NT5C2: variants seen among roughly 807,000 people sequenced by gnomAD.
The protein encoded by NT5C2 is cytosolic purine 5'-nucleotidase.
NT5C2 carries 58 observed loss-of-function variants against 76.1 expected under a neutral mutation model. The ratio of observed to expected loss-of-function variants is 0.76; its 90% CI spans 0.62 to 0.95. NT5C2 has a LOEUF of 0.95. NT5C2 is among the 40% of genes least tolerant of loss of function. The pLI, the probability that NT5C2 is intolerant of heterozygous loss-of-function variation, is 0.00. For missense variants in NT5C2, 478 were observed against 690.3 expected, an observed-to-expected ratio of 0.69 and a Z score of 3.45; for synonymous variants, 229 against 237.4, an observed-to-expected ratio of 0.96 and a Z score of 0.32.
chr10:103,121,249 G>A (rs74582715), intron 4 of NT5C2, among the ~76,000 whole-genome samples: 1,664 of 152,184 alleles, frequency 0.011, 29 homozygotes, highest in African/African-American at 0.035. Context: ...CCATTGAATT[G>A]TATACTTGAA....
intron 2 of NT5C2, among the ~76,000 whole-genome samples, chr10:103,179,293 C>T (rs1337220315): frequency 6.6e-6 from 1 of 152,012 alleles, no homozygotes; most frequent in African/African-American, 2.4e-5. Flanking sequence ...TTTATGGACT[C>T]GCCCTAAATT....
intron 3 of NT5C2, among the ~76,000 whole-genome samples, chr10:103,156,686 C>T (rs1353342752): frequency 1.3e-5 from 2 of 150,034 alleles, no homozygotes; most frequent in Non-Finnish European, 3.0e-5. Flanking sequence ...ACCCAGGAGG[C>T]GGAGGTTGTG....
intron 4 of NT5C2, among the ~76,000 whole-genome samples, chr10:103,118,462 T>G (rs190297946): frequency 6.6e-6 from 1 of 150,754 alleles, no homozygotes; most frequent in African/African-American, 2.4e-5. Context: ...GATCAAGCAA[T>G]TCTCCCACCT....
chr10:103,104,886 A>G (rs1446028414), intron 6 of NT5C2, among the ~76,000 whole-genome samples: 1 of 152,254 alleles, frequency 6.6e-6, no homozygotes, highest in Non-Finnish European at 1.5e-5. Flanking sequence ...GAAAAGTTAC[A>G]TAAGAGACTG....
chr10:103,097,996 G>A (rs769067383), intron 10 of NT5C2: 2 of 520,708 alleles, frequency 3.8e-6, no homozygotes, highest in Non-Finnish European at 7.8e-6. Flanking sequence ...CTTGAAATAA[G>A]GGAGGTGGGT....
intron 1 of NT5C2, among the ~76,000 whole-genome samples, chr10:103,187,325 T>C (rs1397889081): frequency 1.3e-5 from 2 of 151,646 alleles, no homozygotes; most frequent in Non-Finnish European, 2.9e-5. Flanking sequence ...GCGGGTAGAT[T>C]ACAAGGTCAG....
At chr10:103,129,128 G>T (rs2077369730) in intron 4 of NT5C2, among the ~76,000 whole-genome samples, 1 of 127,910 alleles carries the variant, frequency 7.8e-6, no homozygotes, top group African/African-American at 2.9e-5. Context: ...GGAGGTGGGG[G>T]GTCAGCCCCC....
intron 12 of NT5C2, among the ~76,000 whole-genome samples, chr10:103,095,152 C>T (rs1364244702): frequency 6.6e-6 from 1 of 152,140 alleles, no homozygotes; most frequent in African/African-American, 2.4e-5. Context: ...AGTATACAAA[C>T]TAACATGGAA....
At chr10:103,188,753 G>A (rs2092340617) in intron 1 of NT5C2, among the ~76,000 whole-genome samples, 1 of 152,166 alleles carries the variant, frequency 6.6e-6, no homozygotes, top group Non-Finnish European at 1.5e-5. Context: ...TATAATCCCA[G>A]CACTTCGGGA....
At chr10:103,160,317 CTG>C (rs1373274859) in intron 3 of NT5C2, among the ~76,000 whole-genome samples, 11 of 152,120 alleles carry the variant, frequency 7.2e-5, no homozygotes, top group African/African-American at 2.7e-4. Context: ...GAGTAAATCA[CTG>C]TGACTTTGGA....
chr10:103,099,857 G>T, intron 9 of NT5C2, 69 bp downstream of exon 9: 1 of 974,002 alleles, frequency 1.0e-6, no homozygotes, highest in Non-Finnish European at 1.6e-6. Flanking sequence ...TGCTCCATTT[G>T]GAAAGTTAAT....
chr10:103,154,264 G>A lies in NT5C2; in HGVS notation c.102-14785C>T, dbSNP rs116278339. 8.7e-3 allele frequency among the ~76,000 whole-genome samples: 1,318 copies of A among 152,000 alleles called. 21 individuals are homozygous for A. The highest frequency in any genetic ancestry group is 0.029 in the African/African-American group (1,216 of 41,448). On this transcript the variant is annotated intron_variant, in intron 3 of 18. Coordinates refer to ENST00000404739, the MANE Select transcript of NT5C2 (RefSeq NM_001351169.2). Reference sequence around the variant, plus strand: ...TTAAAGAACTACTACTTGAATTAAGGCTTAAAATTTTTAAAAGCTTTATCC... The same window carrying A: ...TTAAAGAACTACTACTTGAATTAAGACTTAAAATTTTTAAAAGCTTTATCC...
Position 103,100,010 on chromosome 10 carries a change from T to C in NT5C2, c.549A>G (p.Thr183=), listed in dbSNP as rs549818649. 1.1e-5 allele frequency: 18 copies of C among 1,604,870 alleles called. No homozygotes were observed. In the South Asian group the frequency reaches 1.8e-4, roughly 16 times the overall value. The change falls in exon 9 of 19, where the codon ACA becomes ACG. Residue 183 remains threonine, a synonymous_variant. Coordinates refer to ENST00000404739, the MANE Select transcript of NT5C2 (RefSeq NM_001351169.2). ...TNCPRYTSCE[T]GFKDGDLFMS... ...TGAAGAGGTCCCCATCTTTAAATCC[T>C]GTTTCACAACTACAGAAAGATAAAA...
At chr10:103,147,110 A>G (rs904861948) in intron 3 of NT5C2, among the ~76,000 whole-genome samples, 1 of 152,154 alleles carries the variant, frequency 6.6e-6, no homozygotes, top group African/African-American at 2.4e-5. Flanking sequence ...GATTGGAAAA[A>G]AGTTATTTAT....
At chr10:103,140,725 TA>T (rs1444509452) in intron 3 of NT5C2, among the ~76,000 whole-genome samples, 3 of 152,252 alleles carry the variant, frequency 2.0e-5, no homozygotes, top group Admixed American at 2.0e-4. Flanking sequence ...AAAGGCATTC[TA>T]ATAGGTATGA....
At chr10:103,180,708 G>T (rs2090897615) in intron 2 of NT5C2, among the ~76,000 whole-genome samples, 1 of 151,804 alleles carries the variant, frequency 6.6e-6, no homozygotes, top group South Asian at 2.1e-4. Flanking sequence ...GGGCGACAGA[G>T]ATCCTGTCTC....
Position 103,105,357 on chromosome 10 carries a change from C to T in NT5C2, c.389+349G>A, listed in dbSNP as rs185440736. The T allele has an allele frequency of 1.3e-4, 117 of 917,136 alleles. 1 individual carries two copies. In the African/African-American group the frequency reaches 1.9e-3, roughly 15 times the overall value. 56.8% of individuals were successfully genotyped at this position (917,136 alleles called of 1,614,324 possible). ...TTTTCAAAGCATTTTTATATACATA[C>T]CTCTTCTGAACAGCTACCTGAGAAC... On this transcript the variant is annotated intron_variant, in intron 6 of 18. Transcript: ENST00000404739.
chr10:103,090,213 G>A, intron 18 of NT5C2: 1 of 349,690 alleles, frequency 2.9e-6, no homozygotes, highest in Non-Finnish European at 5.2e-6. Flanking sequence ...ATAAAGGAAT[G>A]TAAAAACCAC....
chr10:103,129,884 G>A (rs1422357181), intron 4 of NT5C2, among the ~76,000 whole-genome samples: 119 of 74,586 alleles, frequency 1.6e-3, no homozygotes, highest in Middle Eastern at 0.014. Context: ...GGAGGTGGGG[G>A]TGTCAGCCCC....
Sources: allele counts gnomAD v4.1 joint callset (sites outside exome capture counted in the v4.1 genomes callset), GRCh38; gene constraint gnomAD v4.1.1; transcripts MANE v1.5; gene names NCBI Gene and HGNC (gene_info 2026-07-23, HGNC 2026-07-21).